The following RBFOX3 variants were observed in gnomAD, a reference collection of about 807,000 sequenced individuals.
RBFOX3 encodes the protein RNA binding protein fox-1 homolog 3.
Under a neutral mutation model 48.7 loss-of-function variants are expected in RBFOX3, and 17 were observed. That is an observed-to-expected ratio of 0.35 (90% CI 0.24 to 0.52). The LOEUF (loss-of-function observed/expected upper bound fraction) is 0.52, where lower values mean the gene tolerates loss of function less well. RBFOX3 is among the 20% of genes least tolerant of loss of function. RBFOX3 has a pLI of 0.94. For missense variants in RBFOX3, 382 were observed against 497.5 expected (o/e 0.77, Z 2.21); for synonymous variants, 212 against 209.5 (o/e 1.01, Z -0.10).
intron 4 of RBFOX3, among the ~76,000 whole-genome samples, chr17:79,152,115 C>T (rs1435032144): frequency 1.3e-5 from 2 of 152,026 alleles, no homozygotes; most frequent in Non-Finnish European, 2.9e-5. Flanking sequence ...GAGCCAGTCT[C>T]AACTGGGAGC....
At chr17:79,236,286 C>T (rs1232001000) in intron 3 of RBFOX3, among the ~76,000 whole-genome samples, 2 of 152,044 alleles carry the variant, frequency 1.3e-5, no homozygotes, top group Non-Finnish European at 2.9e-5. Context: ...ATGGCATGCA[C>T]ATTCATTTTA....
At chr17:79,591,843 G>A (rs2093425515) in intron 1 of RBFOX3, among the ~76,000 whole-genome samples, 1 of 151,620 alleles carries the variant, frequency 6.6e-6, no homozygotes, top group Non-Finnish European at 1.5e-5. Flanking sequence ...GGTGTGTGGA[G>A]GGGTGTGCAC....
At chr17:79,629,140 G>A in the RBFOX3 span, among the ~76,000 whole-genome samples, 1 of 152,216 alleles carries the variant, frequency 6.6e-6, no homozygotes, top group Middle Eastern at 3.2e-3. Context: ...GGGGAGACAG[G>A]TGGGTGAACA....
At chr17:79,288,181 G>C (rs1296767594) in intron 3 of RBFOX3, among the ~76,000 whole-genome samples, 1 of 151,942 alleles carries the variant, frequency 6.6e-6, no homozygotes, top group African/African-American at 2.4e-5. Context: ...CCTGATATGC[G>C]ACAAATCATA....
rs1267861082 is a variant in RBFOX3, at chr17:79,211,140, G to A, written c.-34+24626C>T. ...GGTTCCAACACCTTCTCCAGCGTCC[G>A]GCGGTCTCAGTCCTGGGCCACGGAG... On this transcript the variant is annotated intron_variant, in intron 4 of 14. Coordinates refer to ENST00000693108, the MANE Select transcript of RBFOX3 (RefSeq NM_001350451.2). Among the ~76,000 whole-genome samples the A allele has an allele frequency of 3.9e-5, 6 of 152,216 alleles. No individual in the cohort carries two copies. In the East Asian group the frequency reaches 5.8e-4, roughly 15 times the overall value.
chr17:79,388,592 C>A (rs546322689), intron 2 of RBFOX3, among the ~76,000 whole-genome samples: 1 of 152,316 alleles, frequency 6.6e-6, no homozygotes, highest in South Asian at 2.1e-4. Flanking sequence ...TGGCTCTGAG[C>A]GCCCCTGCTC....
chr17:79,557,532 G>GGGGGGAAA (rs1371607694), intron 1 of RBFOX3, among the ~76,000 whole-genome samples: 11 of 152,190 alleles, frequency 7.2e-5, no homozygotes, highest in African/African-American at 2.7e-4. Flanking sequence ...CGGCGGTGGT[G>GGGGGGAAA]GGGGGAAAGG....
At chr17:79,291,644 G>C (rs2073287546) in intron 3 of RBFOX3, among the ~76,000 whole-genome samples, 2 of 152,294 alleles carry the variant, frequency 1.3e-5, no homozygotes, top group African/African-American at 4.8e-5. Context: ...TCACTGCCCA[G>C]GGAGGCAGGA....
At chr17:79,304,507 A>T (rs1600524150) in intron 3 of RBFOX3, among the ~76,000 whole-genome samples, 1 of 136,208 alleles carries the variant, frequency 7.3e-6, no homozygotes, top group South Asian at 3.0e-4. Flanking sequence ...CTTATGTGTT[A>T]AAAAAAAAAC....
At chr17:79,553,475 T>C (rs2091337648) in intron 1 of RBFOX3, among the ~76,000 whole-genome samples, 1 of 152,218 alleles carries the variant, frequency 6.6e-6, no homozygotes. Context: ...TTATTCTCAC[T>C]TTAGGAAAAT....
intron 1 of RBFOX3, chr17:79,598,428 CGTT>C (rs2093625717): frequency 1.3e-5 from 2 of 152,192 alleles, no homozygotes; most frequent in Non-Finnish European, 2.9e-5. Context: ...ACACCCTCCT[CGTT>C]GTTAAGGACC....
rs556630525 is a variant in RBFOX3 at position 79,310,567 on chromosome 17, C to T, written c.-174-2743G>A. On this transcript the variant is annotated intron_variant, in intron 2 of 14. Coordinates refer to ENST00000693108, the MANE Select transcript of RBFOX3 (RefSeq NM_001350451.2). Reference sequence around the variant, plus strand: ...CTTCTAGGACAGTCAGCAGTGGCTGCCCATTTCCCCACTGCTGAGGGTCCT... The same window carrying T: ...CTTCTAGGACAGTCAGCAGTGGCTGTCCATTTCCCCACTGCTGAGGGTCCT... 3.4e-3 allele frequency among the ~76,000 whole-genome samples: 514 copies of T among 152,230 alleles called. 2 individuals carry two copies. Among genetic ancestry groups the T allele is most frequent in the Non-Finnish European group, 5.9e-3 (399 of 68,012 alleles).
At position 79,510,896 on chromosome 17, in the gene RBFOX3, C is replaced by T. The variant is rs895510464; in HGVS notation, c.-319-28298G>A. On this transcript the variant is annotated intron_variant, in intron 1 of 14. Coordinates refer to ENST00000693108, the MANE Select transcript of RBFOX3 (RefSeq NM_001350451.2). ...ACCTTCCCCTGGGCCAAAGTGTACCCCCAAGCAGCAGCATCCTAGGGAGAA... is the reference window on the plus strand; with the variant it reads ...ACCTTCCCCTGGGCCAAAGTGTACCTCCAAGCAGCAGCATCCTAGGGAGAA... 1.1e-4 allele frequency among the ~76,000 whole-genome samples: 16 copies of T among 152,162 alleles called. 1 individual carries two copies. In the South Asian group the frequency reaches 2.7e-3, roughly 26 times the overall value.
intron 6 of RBFOX3, 132 bp downstream of exon 6, chr17:79,106,519 G>A (rs1005462776): frequency 8.3e-6 from 10 of 1,198,844 alleles, no homozygotes; most frequent in South Asian, 3.9e-5. Context: ...CTGGGGCCCC[G>A]GAGGCTCCCT....
rs888447985 is a variant in RBFOX3, at chr17:79,524,066, A to G, written c.-319-41468T>C. On this transcript the variant is annotated intron_variant, in intron 1 of 14. Coordinates refer to ENST00000693108, the MANE Select transcript of RBFOX3 (RefSeq NM_001350451.2). ...CATTAAAGCCAGGGAGTTGGGTTAA[A>G]TGGTCCTTAAGATCCCTTTGAAGTC... Among the ~76,000 whole-genome samples, 96 of 152,278 alleles carry G rather than the reference A, an allele frequency of 6.3e-4. 1 individual carries two copies. The highest frequency in any genetic ancestry group is 2.1e-3 in the African/African-American group (87 of 41,556).
chr17:79,093,244 C>CCAGT (rs1347224839), intron 14 of RBFOX3, among the ~76,000 whole-genome samples: 3 of 152,194 alleles, frequency 2.0e-5, no homozygotes, highest in Admixed American at 2.0e-4. Flanking sequence ...TGGGCTGCCT[C>CCAGT]CAGTCAGGGA....
intron 2 of RBFOX3, among the ~76,000 whole-genome samples, chr17:79,312,628 G>C (rs1036043833): frequency 1.3e-5 from 2 of 152,198 alleles, no homozygotes; most frequent in African/African-American, 4.8e-5. Flanking sequence ...GGAGAGGGCA[G>C]ACTGCTGTAC....
intron 2 of RBFOX3, among the ~76,000 whole-genome samples, chr17:79,330,230 C>T (rs1040531385): frequency 6.6e-6 from 1 of 152,194 alleles, no homozygotes; most frequent in East Asian, 1.9e-4. Flanking sequence ...GCCCCCTGAC[C>T]CCCGGTAGAG....
At chr17:79,648,289 C>T in the RBFOX3 span, among the ~76,000 whole-genome samples, 3 of 152,122 alleles carry the variant, frequency 2.0e-5, no homozygotes, top group Non-Finnish European at 2.9e-5. Context: ...GTGCAGATGA[C>T]GTGGGTAATG....
Sources: gnomAD v4.1 joint callset for allele counts (sites outside exome capture counted in the v4.1 genomes callset) on GRCh38, gnomAD v4.1.1 for gene constraint, MANE v1.5 for transcripts, NCBI Gene and HGNC (gene_info 2026-07-23, HGNC 2026-07-21) for gene names.